The following PRKAR2B variants were observed in gnomAD, a reference collection of about 807,000 sequenced individuals.
The protein encoded by PRKAR2B is cAMP-dependent protein kinase type II-beta regulatory subunit.
PRKAR2B carries 14 observed loss-of-function variants against 49.9 expected under a neutral mutation model. That is an observed-to-expected ratio of 0.28 (90% confidence interval 0.19 to 0.44). PRKAR2B has a LOEUF of 0.44. Ranked by LOEUF, PRKAR2B falls within the 20% of genes least tolerant of loss-of-function variation. The pLI is 1.00. For synonymous variants in PRKAR2B, 196 were observed against 197.7 expected, an observed-to-expected ratio of 0.99 and a Z score of 0.07; for missense variants, 393 against 537.9, an observed-to-expected ratio of 0.73 and a Z score of 2.67.
At chr7:107,066,301 G>GGGGTGTGTGTGTGTGTGTGT (rs147673007) in intron 1 of PRKAR2B, among the ~76,000 whole-genome samples, 3 of 145,512 alleles carry the variant, frequency 2.1e-5, no homozygotes, top group African/African-American at 7.8e-5. Flanking sequence ...CTCTATGTGG[G>GGGGTGTGTGTGTGTGTGTGT]GTGTGTGTGT....
intron 2 of PRKAR2B, among the ~76,000 whole-genome samples, chr7:107,117,834 C>T (rs542452909): frequency 8.4e-4 from 128 of 152,232 alleles, no homozygotes; most frequent in Non-Finnish European, 1.5e-3. Flanking sequence ...AAGTTGTGAC[C>T]ATTGTCTGGC....
intron 2 of PRKAR2B, among the ~76,000 whole-genome samples, chr7:107,084,087 T>C (rs1205290762): frequency 6.6e-6 from 1 of 152,202 alleles, no homozygotes; most frequent in Non-Finnish European, 1.5e-5. Flanking sequence ...CTGGAAGTTA[T>C]GTTAAATATT....
At chr7:107,106,285 A>G (rs1411512580) in intron 2 of PRKAR2B, among the ~76,000 whole-genome samples, 8 of 152,204 alleles carry the variant, frequency 5.3e-5, no homozygotes, top group Non-Finnish European at 1.2e-4. Context: ...TGGTAATCCC[A>G]CTGAAGGTCT....
intron 6 of PRKAR2B, 44 bp from the exon 7 acceptor site, chr7:107,150,878 G>T: frequency 1.0e-6 from 1 of 990,912 alleles, no homozygotes; most frequent in Admixed American, 2.2e-5. Context: ...TATTTGTATA[G>T]CTTTACCCCC....
chr7:107,143,174 C>T (rs960916657), intron 5 of PRKAR2B, among the ~76,000 whole-genome samples: 6 of 152,200 alleles, frequency 3.9e-5, no homozygotes, highest in African/African-American at 4.8e-5. Flanking sequence ...TCAAAGTAGC[C>T]GAGTGTAGAG....
chr7:107,104,232 A>T (rs1562858283), intron 2 of PRKAR2B, among the ~76,000 whole-genome samples: 1 of 151,874 alleles, frequency 6.6e-6, no homozygotes, highest in African/African-American at 2.4e-5. Context: ...ATGGGGTTTC[A>T]CTGTGTTGTC....
chr7:107,156,437 TGGG>T (rs981605676), intron 8 of PRKAR2B, among the ~76,000 whole-genome samples: 1 of 151,332 alleles, frequency 6.6e-6, no homozygotes, highest in African/African-American at 2.4e-5. Context: ...GACTCCATCT[TGGG>T]GGGGAAAAAG....
At chr7:107,101,135 ATTT>A (rs950761298) in intron 2 of PRKAR2B, among the ~76,000 whole-genome samples, 28 of 94,686 alleles carry the variant, frequency 3.0e-4, no homozygotes, top group Admixed American at 1.1e-3. Context: ...GTTGTTGCTT[ATTT>A]TTTTTTTTTT....
intron 2 of PRKAR2B, among the ~76,000 whole-genome samples, chr7:107,088,912 T>C (rs1794670729): frequency 6.6e-6 from 1 of 152,016 alleles, no homozygotes; most frequent in South Asian, 2.1e-4. Context: ...AGGTAGGTTT[T>C]AATAATCATA....
In PRKAR2B at chr7:107,117,923, A is replaced by G. The variant is rs146554522; in HGVS notation, c.344-4029A>G. 8.5e-3 allele frequency among the ~76,000 whole-genome samples: 1,294 copies of G among 152,320 alleles called. 19 individuals carry two copies. Among genetic ancestry groups the G allele is most frequent in the African/African-American group, 0.03 (1,241 of 41,572 alleles). ...GGCCATTCTGTATAACCAGTGTAGT[A>G]TATACATATATGCACAACAAAACAG... On this transcript the variant is annotated intron_variant, in intron 2 of 10. Transcript: ENST00000265717.
intron 2 of PRKAR2B, among the ~76,000 whole-genome samples, chr7:107,071,956 C>T (rs961004161): frequency 2.6e-5 from 4 of 151,602 alleles, no homozygotes; most frequent in Non-Finnish European, 4.4e-5. Context: ...GTAGTCCCAG[C>T]TACTCGGGAG....
At chr7:107,052,896 T>C (rs953272391) in intron 1 of PRKAR2B, among the ~76,000 whole-genome samples, 23 of 152,358 alleles carry the variant, frequency 1.5e-4, no homozygotes, top group African/African-American at 5.5e-4. Context: ...AGTGGTGCCA[T>C]CTTGGCTCAC....
intron 1 of PRKAR2B, among the ~76,000 whole-genome samples, chr7:107,062,550 T>C (rs1794045500): frequency 6.6e-6 from 1 of 152,174 alleles, no homozygotes; most frequent in Non-Finnish European, 1.5e-5. Flanking sequence ...TAATTGCCTA[T>C]GAGATAGTGG....
chr7:107,128,791 T>G (rs1795545636), intron 4 of PRKAR2B: 1 of 151,294 alleles, frequency 6.6e-6, no homozygotes, highest in Non-Finnish European at 1.5e-5. Context: ...GGTGAGGTTT[T>G]TTTTTTTTTT....
chr7:107,100,462 G>A (rs1332375913), intron 2 of PRKAR2B, among the ~76,000 whole-genome samples: 1 of 152,160 alleles, frequency 6.6e-6, no homozygotes, highest in Non-Finnish European at 1.5e-5. Flanking sequence ...ATTAAAATGT[G>A]TGTGGGTATG....
chr7:107,100,359 G>C (rs1187336423), intron 2 of PRKAR2B, among the ~76,000 whole-genome samples: 1 of 152,158 alleles, frequency 6.6e-6, no homozygotes, highest in Non-Finnish European at 1.5e-5. Context: ...CTGATGAGCA[G>C]TTAGTAATTG....
intron 2 of PRKAR2B, among the ~76,000 whole-genome samples, chr7:107,083,214 C>T (rs74595260): frequency 8.7e-6 from 1 of 115,314 alleles, no homozygotes; most frequent in Non-Finnish European, 1.8e-5. Flanking sequence ...GAGACTGTCT[C>T]AAAAAAAAAA....
At chr7:107,151,179 A>G (rs1795979439) in intron 7 of PRKAR2B, among the ~76,000 whole-genome samples, 156 bp downstream of exon 7, 1 of 152,166 alleles carries the variant, frequency 6.6e-6, no homozygotes, top group South Asian at 2.1e-4. Flanking sequence ...TTTATAACTC[A>G]TTGTTTCTTC....
At chr7:107,085,703 G>C (rs73723711) in intron 2 of PRKAR2B, among the ~76,000 whole-genome samples, 2,176 of 152,150 alleles carry the variant, frequency 0.014, 50 homozygotes, top group African/African-American at 0.049. Flanking sequence ...TCACTTAATA[G>C]TGTATTGTGT....
Sources: allele counts gnomAD v4.1 joint callset (sites outside exome capture counted in the v4.1 genomes callset), GRCh38; gene constraint gnomAD v4.1.1; transcripts MANE v1.5; gene names NCBI Gene and HGNC (gene_info 2026-07-23, HGNC 2026-07-21).